BSND: variants seen among roughly 807,000 people sequenced by gnomAD.
BSND encodes the protein barttin.
BSND carries 13 observed loss-of-function variants against 18.8 expected under a neutral mutation model. The ratio of observed to expected loss-of-function variants is 0.69; its 90% confidence interval spans 0.45 to 1.10. The LOEUF is 1.10. BSND is among the 50% of genes least tolerant of loss of function. BSND has a pLI of 0.00. For missense variants in BSND, 379 were observed against 416.7 expected (o/e 0.91, Z 0.79); for synonymous variants, 170 against 161.8 (o/e 1.05, Z -0.39).
chr1:55,002,458 G>T (rs1418445164), intron 1 of BSND, among the ~76,000 whole-genome samples: 2 of 152,240 alleles, frequency 1.3e-5, no homozygotes, highest in Non-Finnish European at 2.9e-5. Flanking sequence ...TGGAGACCAG[G>T]ACCAGGGTCC....
At chr1:55,000,446 T>C (rs1644355518) in intron 1 of BSND, among the ~76,000 whole-genome samples, 1 of 133,276 alleles carries the variant, frequency 7.5e-6, no homozygotes, top group Non-Finnish European at 1.6e-5. Context: ...GTACACTGTG[T>C]GAGTTAGGAG....
chr1:55,012,422 AG>A lies in BSND; in HGVS notation c.*3795del, dbSNP rs1462937899. Among the ~76,000 whole-genome samples, 82 of 152,332 alleles carry A rather than the reference AG, an allele frequency of 5.4e-4. 2 individuals are homozygous for A. Among genetic ancestry groups the A allele is most frequent in the Admixed American group, 2.0e-3 (31 of 15,304 alleles). ...ATCAGAAAGACCTGGTTTTACCTTC[AG>A]CCTCAGCCAGTTCCTTGCTGTGTGG... On this transcript the variant is annotated 3_prime_UTR_variant, in exon 4 of 4. Transcript: ENST00000651561.
Position 55,008,533 on chromosome 1 carries a change from A to G in BSND, c.868A>G (p.Lys290Glu), listed in dbSNP as rs1285206495. 3 of 1,614,158 alleles carry G rather than the reference A, an allele frequency of 1.9e-6. No individual in the cohort carries two copies. The highest frequency in any genetic ancestry group is 1.6e-4 in the Middle Eastern group (1 of 6,062). ...ASDTGGEEPE[K>E]EEEDLYYGLP... Reference sequence around the variant, plus strand: ...GGACACAGGTGGGGAGGAACCTGAGAAGGAAGAGGAAGACCTGTACTATGG... The same window carrying G: ...GGACACAGGTGGGGAGGAACCTGAGGAGGAAGAGGAAGACCTGTACTATGG... The change falls in exon 4 of 4, where the codon AAG (lysine) becomes GAG (glutamate). Residue 290 changes from lysine (K) to glutamate (E), a missense_variant. Transcript: ENST00000651561.
At position 55,015,836 on chromosome 1, in the gene BSND, T is replaced by C. The variant is rs1479674549; in HGVS notation, c.*7208T>C. 6.6e-6 allele frequency among the ~76,000 whole-genome samples: 1 copy of C among 152,268 alleles called. No homozygotes were observed. The highest frequency in any genetic ancestry group is 1.9e-4 in the East Asian group (1 of 5,172). On this transcript the variant is annotated 3_prime_UTR_variant, in exon 4 of 4. Transcript: ENST00000651561. ...AGCACGGCGGGGATCTGACCCCACC[T>C]GGAGAGTCGGCAGGAGCTTCTCAGA... is the stretch of plus-strand genomic sequence containing the variant.
At chr1:55,007,600 C>G (rs1391045021) in intron 3 of BSND, among the ~76,000 whole-genome samples, 2 of 152,148 alleles carry the variant, frequency 1.3e-5, no homozygotes, top group African/African-American at 2.4e-5. Context: ...ACCTGGCATA[C>G]AGTAGGCCCT....
Position 55,008,799 on chromosome 1 carries a change from G to A in BSND, c.*171G>A. 1 of 1,022,606 alleles carries A rather than the reference G, an allele frequency of 9.8e-7. No individual in the cohort carries two copies. The highest frequency in any genetic ancestry group is 1.4e-6 in the Non-Finnish European group (1 of 690,466). 63.3% of individuals were successfully genotyped at this position (1,022,606 alleles called of 1,614,324 possible). A position where few individuals can be genotyped will look rare whatever the true frequency, so the allele number is the denominator to read the frequency against. On this transcript the variant is annotated 3_prime_UTR_variant, in exon 4 of 4. Transcript: ENST00000651561. The stretch of plus-strand genomic sequence containing the variant: ...AGGGAGGGGATGATGACTATTAGTG[G>A]ACTCTTGTTTTTCCAATAGTTAGTG...
At position 54,999,354 on chromosome 1, in the gene BSND, C is replaced by T. The variant is rs1644349926; in HGVS notation, c.168C>T (p.Cys56=). The change falls in exon 1 of 4, where the codon TGC becomes TGT. Residue 56 remains cysteine, a synonymous_variant. Coordinates refer to ENST00000651561, the MANE Select transcript of BSND (RefSeq NM_057176.3). ...IGGIIWSMCQ[C]YPKITFVPAD... is the part of the protein sequence containing the mutation. ...GCATCATCTGGAGCATGTGCCAGTGCTACCCCAAGGTAGGTGGTAGTGGGG... is the reference window on the plus strand; with the variant it reads ...GCATCATCTGGAGCATGTGCCAGTGTTACCCCAAGGTAGGTGGTAGTGGGG... 1 of 1,609,568 alleles carries T rather than the reference C, an allele frequency of 6.2e-7. No homozygotes were observed.
rs1349425803 is a variant in BSND at position 54,999,146 on chromosome 1, C to A, written c.-41C>A. ...GTTTAGGCTGAACTACAGCCACCCC[C>A]TCTCCCGGGGGTGTGCAGGCCAGGG... On this transcript the variant is annotated 5_prime_UTR_variant, in exon 1 of 4. Transcript: ENST00000651561. 1 of 1,611,638 alleles carries A rather than the reference C, an allele frequency of 6.2e-7. No individual in the cohort carries two copies. Among genetic ancestry groups the A allele is most frequent in the South Asian group, 1.1e-5 (1 of 91,058 alleles).
chr1:55,013,876 C>G lies in BSND; in HGVS notation c.*5248C>G, dbSNP rs916888204. 6.6e-6 allele frequency among the ~76,000 whole-genome samples: 1 copy of G among 152,196 alleles called. No individual in the cohort carries two copies. The highest frequency in any genetic ancestry group is 2.4e-5 in the African/African-American group (1 of 41,452). ...ATCCTCACCTTTCCAGCCACCCTGC[C>G]TTGGCTCATGCTGTTCCCTCCACCC... On this transcript the variant is annotated 3_prime_UTR_variant, in exon 4 of 4. Transcript: ENST00000651561.
rs1644430497 is a variant in BSND at position 55,013,075 on chromosome 1, C to A, written c.*4447C>A. 6.6e-6 allele frequency among the ~76,000 whole-genome samples: 1 copy of A among 152,220 alleles called. No individual in the cohort carries two copies. The highest frequency in any genetic ancestry group is 1.5e-5 in the Non-Finnish European group (1 of 68,050). ...ACCTGGTCCACGTCATAAGACTCAACAATGCACCTGTTGTGCTGTGCACAC... is the reference window on the plus strand; with the variant it reads ...ACCTGGTCCACGTCATAAGACTCAAAAATGCACCTGTTGTGCTGTGCACAC... On this transcript the variant is annotated 3_prime_UTR_variant, in exon 4 of 4. Transcript: ENST00000651561.
Position 55,013,132 on chromosome 1 carries a change from G to GT in BSND, c.*4506dup, listed in dbSNP as rs1165380077. Among the ~76,000 whole-genome samples the GT allele has an allele frequency of 6.6e-6, 1 of 152,138 alleles. No individual in the cohort carries two copies. The highest frequency in any genetic ancestry group is 2.4e-5 in the African/African-American group (1 of 41,414). ...TCATTTCATCCTCGCAGCTTGCAAG[G>GT]TTGGTGTATTGTCCCCATTTTATTT... On this transcript the variant is annotated 3_prime_UTR_variant, in exon 4 of 4. Transcript: ENST00000651561.
At position 55,008,921 on chromosome 1, in the gene BSND, T is replaced by G. The variant is rs114028133; in HGVS notation, c.*293T>G. 4.0e-3 allele frequency: 1,917 copies of G among 476,164 alleles called. 29 individuals carry two copies. Among genetic ancestry groups the G allele is most frequent in the African/African-American group, 0.034 (1,755 of 50,942 alleles). The allele number at this position is 476,164 out of a possible 1,614,324, so 29.5% of individuals were successfully genotyped here. A position where few individuals can be genotyped will look rare whatever the true frequency, so the allele number is the denominator to read the frequency against. ...TTTCCACCTTCCCCCAAAGCTGACC[T>G]CTGAGAGGAACCTTCCTTGGTGCTC... On this transcript the variant is annotated 3_prime_UTR_variant, in exon 4 of 4. Coordinates refer to ENST00000651561, the MANE Select transcript of BSND (RefSeq NM_057176.3).
intron 1 of BSND, among the ~76,000 whole-genome samples, 159 bp downstream of exon 1, chr1:54,999,522 T>TCCAC (rs763552390): frequency 2.6e-5 from 3 of 117,388 alleles, no homozygotes; most frequent in African/African-American, 4.9e-5. Flanking sequence ...GTCTGTCCCA[T>TCCAC]CCATCCATCC....
chr1:55,000,458 G>C (rs185518965), intron 1 of BSND, among the ~76,000 whole-genome samples: 2 of 151,732 alleles, frequency 1.3e-5, no homozygotes, highest in East Asian at 1.9e-4. Flanking sequence ...AGTTAGGAGG[G>C]GGGGGTGGGA....
Position 55,007,266 on chromosome 1 carries a change from G to A in BSND, c.542G>A (p.Trp181Ter). Residue 181 changes from tryptophan to a stop codon, truncating the protein, a stop_gained, in exon 3 of 4, where the codon TGG becomes TAG. Coordinates refer to ENST00000651561, the MANE Select transcript of BSND (RefSeq NM_057176.3). LOFTEE classifies it low-confidence loss of function (END_TRUNC). ...SEGERRLTQSWPGPLACPQGP... is the reference protein window; with the variant it reads ...SEGERRLTQS The stretch of plus-strand genomic sequence containing the variant: ...GGGGAAAGACGCCTAACTCAGAGCT[G>A]GCCCGGGTGAGTGCTTAGAGGGCAG... 1 of 1,603,512 alleles carries A rather than the reference G, an allele frequency of 6.2e-7. No homozygotes were observed. Among genetic ancestry groups the A allele is most frequent in the Non-Finnish European group, 8.5e-7 (1 of 1,172,796 alleles).
chr1:55,000,642 C>G (rs1001975816), intron 1 of BSND, among the ~76,000 whole-genome samples: 6 of 152,252 alleles, frequency 3.9e-5, no homozygotes, highest in African/African-American at 1.4e-4. Flanking sequence ...AGCCCTGCCC[C>G]CTCCACGGGC....
chr1:55,004,353 C>T (rs764342080), intron 1 of BSND, among the ~76,000 whole-genome samples: 5 of 152,188 alleles, frequency 3.3e-5, no homozygotes, highest in Admixed American at 6.5e-5. Flanking sequence ...AGAGAGACTG[C>T]GAAGAGAGAT....
Position 54,998,953 on chromosome 1 carries a change from A to T in BSND, c.-234A>T, listed in dbSNP as rs1644346398. The T allele has an allele frequency of 1.8e-6, 1 of 554,788 alleles. No homozygotes were observed. The highest frequency in any genetic ancestry group is 3.2e-6 in the Non-Finnish European group (1 of 309,168). 34.4% of individuals were successfully genotyped at this position (554,788 alleles called of 1,614,324 possible). On this transcript the variant is annotated 5_prime_UTR_variant, in exon 1 of 4. In the 5' UTR this introduces an upstream ATG that the reference lacks. Transcript: ENST00000651561. ...GGCCCAGAGGGAAGGTGAGAGGGCA[A>T]GGAGTAAAGGTGGCTGGGTGTGGGT...
rs1000306822 is a variant in BSND, at chr1:55,014,550, T to G, written c.*5922T>G. 6.6e-6 allele frequency among the ~76,000 whole-genome samples: 1 copy of G among 152,334 alleles called. No individual in the cohort carries two copies. The highest frequency in any genetic ancestry group is 6.5e-5 in the Admixed American group (1 of 15,296). ...GATGTTACAATGTGTAGACATCAGGTGCCCATGTGCACCTGGGTCGTTCAA... is the reference window on the plus strand; with the variant it reads ...GATGTTACAATGTGTAGACATCAGGGGCCCATGTGCACCTGGGTCGTTCAA... On this transcript the variant is annotated 3_prime_UTR_variant, in exon 4 of 4. Coordinates refer to ENST00000651561, the MANE Select transcript of BSND (RefSeq NM_057176.3).
Sources: allele counts gnomAD v4.1 joint callset (sites outside exome capture counted in the v4.1 genomes callset), GRCh38; gene constraint gnomAD v4.1.1; transcripts MANE v1.5; gene names NCBI Gene and HGNC (gene_info 2026-07-23, HGNC 2026-07-21).